LIN7A: variants seen among roughly 807,000 people sequenced by gnomAD.
LIN7A encodes the protein lin-7 cell polarity scaffold A.
In LIN7A, 25 loss-of-function variants were observed where a neutral mutation model predicts 29.8. The observed-to-expected ratio is 0.84, with a 90% CI of 0.61 to 1.17. LIN7A has a LOEUF of 1.17. Among genes scored for constraint, LIN7A ranks in the 50% most tolerant of loss-of-function variants. LIN7A has a pLI of 0.00. For missense variants in LIN7A, 239 were observed against 287.0 expected, an observed-to-expected ratio of 0.83 and a Z score of 1.21; for synonymous variants, 118 against 107.5, an observed-to-expected ratio of 1.10 and a Z score of -0.60.
At chr12:80,894,575 T>C (rs1318641145) in intron 1 of LIN7A, among the ~76,000 whole-genome samples, 2 of 152,102 alleles carry the variant, frequency 1.3e-5, no homozygotes, top group African/African-American at 4.8e-5. Flanking sequence ...GTAACTGAAA[T>C]TTTGGAAAGT....
intron 1 of LIN7A, among the ~76,000 whole-genome samples, chr12:80,907,226 C>G (rs1163686): frequency 0.68 from 102,952 of 152,020 alleles, 38,986 homozygotes; most frequent in Non-Finnish European, 0.87. Flanking sequence ...TTATTGTGTG[C>G]TATCTTTCAG....
chr12:80,925,669 A>AG (rs1479894925), intron 1 of LIN7A, among the ~76,000 whole-genome samples: 17 of 152,196 alleles, frequency 1.1e-4, no homozygotes, highest in African/African-American at 3.9e-4. Flanking sequence ...AGAGCTATTA[A>AG]GTAGAAAAGC....
chr12:80,900,989 A>G (rs1876184630), intron 1 of LIN7A, among the ~76,000 whole-genome samples: 1 of 152,178 alleles, frequency 6.6e-6, no homozygotes, highest in Non-Finnish European at 1.5e-5. Flanking sequence ...AGCACTTATG[A>G]AAATTTTTAG....
At chr12:80,842,134 AG>A (rs1017392561) in intron 4 of LIN7A, 58 of 1,284,846 alleles carry the variant, frequency 4.5e-5, no homozygotes, top group Non-Finnish European at 5.8e-5. Context: ...AGAAGCTAGG[AG>A]GAAAAAATCA....
intron 2 of LIN7A, among the ~76,000 whole-genome samples, chr12:80,850,776 G>C (rs1221219097): frequency 6.6e-6 from 1 of 152,180 alleles, no homozygotes; most frequent in African/African-American, 2.4e-5. Flanking sequence ...TGTAAAAACA[G>C]ACTTGGATAG....
intron 1 of LIN7A, among the ~76,000 whole-genome samples, chr12:80,900,068 G>A (rs1394604980): frequency 6.6e-6 from 1 of 152,074 alleles, no homozygotes; most frequent in African/African-American, 2.4e-5. Context: ...GCTGTTCATA[G>A]TACTCTCTGA....
intron 4 of LIN7A, among the ~76,000 whole-genome samples, chr12:80,813,977 A>T (rs989910246): frequency 1.3e-5 from 2 of 152,136 alleles, no homozygotes; most frequent in Non-Finnish European, 2.9e-5. Context: ...GCCACCCTCA[A>T]TTGTTTGACA....
chr12:80,862,871 G>T (rs888545965), intron 2 of LIN7A, among the ~76,000 whole-genome samples: 14 of 152,202 alleles, frequency 9.2e-5, no homozygotes, highest in African/African-American at 2.7e-4. Flanking sequence ...TACAGAAAAA[G>T]AAGGTACAGA....
rs186005833 is a variant in LIN7A at position 80,927,363 on chromosome 12, G to A, written c.82+10278C>T. Among the ~76,000 whole-genome samples the A allele has an allele frequency of 2.6e-4, 39 of 152,030 alleles. 2 individuals are homozygous for A. Among genetic ancestry groups the A allele is most frequent in the African/African-American group, 9.2e-4 (38 of 41,508 alleles). Reference sequence around the variant, plus strand: ...TTTTTAGCAGAGACGGGGTTTCACCGTGGTCTGGAGCTCCTGACCTCGTGA... The same window carrying A: ...TTTTTAGCAGAGACGGGGTTTCACCATGGTCTGGAGCTCCTGACCTCGTGA... On this transcript the variant is annotated intron_variant, in intron 1 of 5. Transcript: ENST00000552864.
At chr12:80,807,074 T>TTTTTTG (rs1565883785) in intron 5 of LIN7A, among the ~76,000 whole-genome samples, 1 of 47,064 alleles carries the variant, frequency 2.1e-5, no homozygotes, top group Admixed American at 2.1e-4. Flanking sequence ...TTTTTTTTTT[T>TTTTTTG]TTTTTTTTTT....
chr12:80,937,556 C>T lies in LIN7A; in HGVS notation c.82+85G>A. The stretch of plus-strand genomic sequence containing the variant: ...CCCTTCTCCTCCTGCCTGAGCGCGT[C>T]CCATGTCCCGTTGGGAATTGGCAGG... On this transcript the variant is annotated intron_variant, in intron 1 of 5. Coordinates refer to ENST00000552864, the MANE Select transcript of LIN7A (RefSeq NM_004664.4). 3.0e-6 allele frequency: 3 copies of T among 1,015,328 alleles called. No individual in the cohort carries two copies. The South Asian group carries it at 6.3e-5, about 21-fold the overall frequency. 62.9% of individuals were successfully genotyped at this position (1,015,328 alleles called of 1,614,324 possible). A position where few individuals can be genotyped will look rare whatever the true frequency, so the allele number is the denominator to read the frequency against.
At chr12:80,860,056 T>C (rs1282740093) in intron 2 of LIN7A, among the ~76,000 whole-genome samples, 1 of 152,234 alleles carries the variant, frequency 6.6e-6, no homozygotes, top group Non-Finnish European at 1.5e-5. Context: ...GAGGTGCTTT[T>C]TTTTCTTACA....
chr12:80,937,596 G>T, intron 1 of LIN7A, 45 bp downstream of exon 1: 1 of 1,353,290 alleles, frequency 7.4e-7, no homozygotes, highest in South Asian at 1.5e-5. Flanking sequence ...GAAGGGAGGA[G>T]GGGAGAGGGG....
At chr12:80,880,800 C>T (rs1012768042) in intron 2 of LIN7A, among the ~76,000 whole-genome samples, 9 of 151,934 alleles carry the variant, frequency 5.9e-5, no homozygotes, top group Admixed American at 2.0e-4. Flanking sequence ...CACACACACA[C>T]ACATCGACAT....
chr12:80,915,546 CA>C (rs1876990086), intron 1 of LIN7A, among the ~76,000 whole-genome samples: 1 of 152,178 alleles, frequency 6.6e-6, no homozygotes, highest in South Asian at 2.1e-4. Context: ...GAAAATAATT[CA>C]ACCTACCAAA....
chr12:80,857,584 CT>C (rs1873666851), intron 2 of LIN7A, among the ~76,000 whole-genome samples: 1 of 152,134 alleles, frequency 6.6e-6, no homozygotes, highest in South Asian at 2.1e-4. Context: ...TTATGATTTG[CT>C]TTAAAGGACA....
At chr12:80,800,318 G>T (rs1311802202) in intron 5 of LIN7A, among the ~76,000 whole-genome samples, 3 of 151,472 alleles carry the variant, frequency 2.0e-5, no homozygotes, top group African/African-American at 7.3e-5. Context: ...GGAGAAAACT[G>T]GTCTCTACTA....
chr12:80,936,966 G>A (rs1878263077), intron 1 of LIN7A: 2 of 152,172 alleles, frequency 1.3e-5, no homozygotes, highest in African/African-American at 4.8e-5. Context: ...GGGAGCAGAC[G>A]CGACCCTCGC....
At chr12:80,883,987 C>T (rs1239068574) in intron 2 of LIN7A, among the ~76,000 whole-genome samples, 2 of 152,114 alleles carry the variant, frequency 1.3e-5, no homozygotes, top group African/African-American at 4.8e-5. Flanking sequence ...CCAAATAGTT[C>T]TCCTATCTTG....
Sources: allele counts gnomAD v4.1 joint callset (sites outside exome capture counted in the v4.1 genomes callset), GRCh38; gene constraint gnomAD v4.1.1; transcripts MANE v1.5; gene names NCBI Gene and HGNC (gene_info 2026-07-23, HGNC 2026-07-21).